The following DHX57 variants were observed in gnomAD, a reference collection of about 807,000 sequenced individuals.
The protein encoded by DHX57 is putative ATP-dependent RNA helicase DHX57.
A neutral mutation model predicts 156.2 loss-of-function variants in DHX57; 105 were observed. That is an observed-to-expected ratio of 0.67 (90% confidence interval 0.57 to 0.79). The LOEUF is 0.79. Among genes scored for constraint, DHX57 ranks in the 30% least tolerant of loss-of-function variants. The pLI, the probability that DHX57 is intolerant of heterozygous loss-of-function variation, is 0.00. For missense variants in DHX57, 1,847 were observed against 1,661.9 expected (o/e 1.11, Z -1.94); for synonymous variants, 704 against 595.6 (o/e 1.18, Z -2.65).
Position 38,798,392 on chromosome 2 carries a change from C to T in DHX57, c.4068G>A (p.Gln1356=). 6.2e-7 allele frequency: 1 copy of T among 1,613,986 alleles called. No individual in the cohort carries two copies. Among genetic ancestry groups the T allele is most frequent in the Non-Finnish European group, 8.5e-7 (1 of 1,179,958 alleles). ...CAATGCTTGGGTTTTTAATTTTATCCTGGAGAAGCTGATCAAGTTCGCAAC... is the reference window on the plus strand; with the variant it reads ...CAATGCTTGGGTTTTTAATTTTATCTTGGAGAAGCTGATCAAGTTCGCAAC... ...ELRCELDQLL[Q]DKIKNPSIDL... is the part of the protein sequence containing the mutation. Residue 1356 remains glutamine, a synonymous_variant, in exon 24 of 24, where the codon CAG becomes CAA. Coordinates refer to ENST00000457308, the MANE Select transcript of DHX57 (RefSeq NM_198963.3).
intron 21 of DHX57, among the ~76,000 whole-genome samples, chr2:38,807,476 G>C (rs1300940837): frequency 6.6e-6 from 1 of 151,902 alleles, no homozygotes; most frequent in Non-Finnish European, 1.5e-5. Flanking sequence ...TCCTGCCTCA[G>C]CCTCCCTAGT....
chr2:38,827,898 C>T (rs1210135100), intron 14 of DHX57, among the ~76,000 whole-genome samples: 3 of 151,996 alleles, frequency 2.0e-5, no homozygotes, highest in Non-Finnish European at 4.4e-5. Flanking sequence ...CTCTTGTTGC[C>T]CGGGCTGGAG....
chr2:38,821,903 A>T (rs1304931552), intron 17 of DHX57, among the ~76,000 whole-genome samples: 1 of 152,196 alleles, frequency 6.6e-6, no homozygotes, highest in African/African-American at 2.4e-5. Flanking sequence ...AGTTAGACAA[A>T]ATAAAATTCC....
At chr2:38,814,560 A>G (rs1670428117) in intron 20 of DHX57, among the ~76,000 whole-genome samples, 1 of 152,210 alleles carries the variant, frequency 6.6e-6, no homozygotes, top group Admixed American at 6.5e-5. Flanking sequence ...TTCATCTTAC[A>G]GAAGTGCTCT....
chr2:38,834,950 G>A (rs923065358), intron 13 of DHX57, among the ~76,000 whole-genome samples: 2 of 152,176 alleles, frequency 1.3e-5, no homozygotes, highest in Non-Finnish European at 1.5e-5. Context: ...ACCTGTATGA[G>A]TCAAGAAAAA....
Position 38,843,021 on chromosome 2 carries a change from G to A in DHX57, c.2409C>T (p.Leu803=). 1 of 1,614,084 alleles carries A rather than the reference G, an allele frequency of 6.2e-7. No individual in the cohort carries two copies. The highest frequency in any genetic ancestry group is 8.5e-7 in the Non-Finnish European group (1 of 1,180,004). Reference sequence around the variant, plus strand: ...GCATGTTACCTTTATAGCGGGCCAGGAGCTGCTTAAAATCTAACTGTTGAT... The same window carrying A: ...GCATGTTACCTTTATAGCGGGCCAGAAGCTGCTTAAAATCTAACTGTTGAT... ...VPDQQLDFKQ[L]LARYKGVSKS... Residue 803 remains leucine (L), a synonymous_variant, in exon 12 of 24, where the codon CTC becomes CTT. Transcript: ENST00000457308.
At chr2:38,874,489 A>G (rs1665509351) in intron 1 of DHX57, among the ~76,000 whole-genome samples, 1 of 138,300 alleles carries the variant, frequency 7.2e-6, no homozygotes, top group Non-Finnish European at 1.5e-5. Context: ...AGCTCACTGC[A>G]ACCTCCACCT....
At chr2:38,835,754 C>T (rs758380678) in intron 13 of DHX57, among the ~76,000 whole-genome samples, 2 of 152,058 alleles carry the variant, frequency 1.3e-5, no homozygotes, top group Non-Finnish European at 2.9e-5. Flanking sequence ...TGAAAAAGTG[C>T]GAAAGCCATC....
In DHX57 at chr2:38,842,143, A is replaced by C. The variant is rs143905765; in HGVS notation, c.2425+862T>G. ...GCCTTTTGATATGATGCATTGAGAA[A>C]TCAAGATCGTTTTTGTGATGCTCCA... On this transcript the variant is annotated intron_variant, in intron 12 of 23. Transcript: ENST00000457308. 3.9e-5 allele frequency among the ~76,000 whole-genome samples: 6 copies of C among 152,330 alleles called. No individual in the cohort carries two copies. The East Asian group carries it at 1.2e-3, about 29-fold the overall frequency.
intron 1 of DHX57, among the ~76,000 whole-genome samples, chr2:38,870,949 C>G (rs950182248): frequency 1.8e-4 from 28 of 151,700 alleles, no homozygotes; most frequent in Non-Finnish European, 3.5e-4. Context: ...GAAAAGCTAT[C>G]TTTCAAAAAT....
chr2:38,821,799 A>G (rs1368098096), intron 17 of DHX57, among the ~76,000 whole-genome samples: 1 of 152,228 alleles, frequency 6.6e-6, no homozygotes, highest in East Asian at 1.9e-4. Context: ...TCAAGTTACT[A>G]GAATCAGAAA....
At chr2:38,813,926 G>C (rs372332413) in intron 20 of DHX57, 31 bp from the exon 21 acceptor site, 548 of 1,606,430 alleles carry the variant, frequency 3.4e-4, no homozygotes, top group Non-Finnish European at 4.4e-4. Flanking sequence ...TAATTAACAA[G>C]TGATATGGCT....
Position 38,797,789 on chromosome 2 carries a change from A to G in DHX57, c.*510T>C, listed in dbSNP as rs1392941084. The G allele has an allele frequency of 6.4e-6, 1 of 155,050 alleles. No individual in the cohort carries two copies. Among genetic ancestry groups the G allele is most frequent in the Non-Finnish European group, 1.5e-5 (1 of 68,224 alleles). The allele number at this position is 155,050 out of a possible 1,614,324, so 9.6% of individuals were successfully genotyped here. A position where few individuals can be genotyped will look rare whatever the true frequency, so the allele number is the denominator to read the frequency against. ...AACCCCTCACAAGTCAAGTTTACTCAGTAGCCAATAGCCTAAAATGAAATT... is the reference window on the plus strand; with the variant it reads ...AACCCCTCACAAGTCAAGTTTACTCGGTAGCCAATAGCCTAAAATGAAATT... On this transcript the variant is annotated 3_prime_UTR_variant, in exon 24 of 24. Coordinates refer to ENST00000457308, the MANE Select transcript of DHX57 (RefSeq NM_198963.3).
intron 13 of DHX57, among the ~76,000 whole-genome samples, chr2:38,830,926 C>T (rs967872998): frequency 1.3e-5 from 2 of 152,104 alleles, no homozygotes; most frequent in Admixed American, 6.6e-5. Flanking sequence ...GAGACACCAT[C>T]TCTACAAAAA....
intron 19 of DHX57, 59 bp downstream of exon 19, chr2:38,818,818 C>T: frequency 1.9e-6 from 3 of 1,572,460 alleles, no homozygotes; most frequent in South Asian, 1.1e-5. Flanking sequence ...AAAGTCGCAG[C>T]ACCCTCTGGT....
At chr2:38,830,801 A>C (rs1367013837) in intron 13 of DHX57, among the ~76,000 whole-genome samples, 1 of 151,994 alleles carries the variant, frequency 6.6e-6, no homozygotes. Context: ...AATGCCACAA[A>C]ATTTTATTGA....
At position 38,862,196 on chromosome 2, in the gene DHX57, G is replaced by A. The variant is rs750816877; in HGVS notation, c.521C>T (p.Pro174Leu). Residue 174 changes from proline to leucine, a missense_variant, in exon 4 of 24, where the codon CCT becomes CTT. Pro to Leu is a moderately conservative substitution (Grantham distance 98). Transcript: ENST00000457308. ...GGAGACTGTAAATTCTGGAACATAAGGCTCCACTGAGGCTAAGCCAGCATA... is the reference window on the plus strand; with the variant it reads ...GGAGACTGTAAATTCTGGAACATAAAGCTCCACTGAGGCTAAGCCAGCATA... ...LEYAGLASVEPYVPEFTVSPF... is the reference protein window; with the variant it reads ...LEYAGLASVELYVPEFTVSPF... The A allele has an allele frequency of 5.6e-6, 9 of 1,613,124 alleles. No homozygotes were observed. The highest frequency in any genetic ancestry group is 1.3e-5 in the African/African-American group (1 of 74,896).
chr2:38,836,535 A>G (rs1671666297), intron 13 of DHX57, among the ~76,000 whole-genome samples: 1 of 152,184 alleles, frequency 6.6e-6, no homozygotes, highest in Non-Finnish European at 1.5e-5. Context: ...GCACTTTGGG[A>G]GGCCAAGGTG....
rs765153722 is a variant in DHX57 at position 38,855,181 on chromosome 2, G to A, written c.1781C>T (p.Ala594Val). ...TCGGGGTTGGGTACAGATGATGTTG[G>A]CTACCTTCTCAGGTGGTCCATTCAG... ...DSLNGPPEKV[A>V]NIICTQPRRI... is the part of the protein sequence containing the mutation. The change falls in exon 8 of 24, where the codon GCC becomes GTC. Residue 594 changes from alanine (A) to valine (V), a missense_variant. By Grantham distance (64) the Ala-to-Val change is moderately conservative. Transcript: ENST00000457308. 4.0e-5 allele frequency: 64 copies of A among 1,614,010 alleles called. No homozygotes were observed. Among genetic ancestry groups the A allele is most frequent in the Non-Finnish European group, 5.3e-5 (62 of 1,180,032 alleles).
Sources: gnomAD v4.1 joint callset for allele counts (sites outside exome capture counted in the v4.1 genomes callset) on GRCh38, gnomAD v4.1.1 for gene constraint, MANE v1.5 for transcripts, NCBI Gene and HGNC (gene_info 2026-07-23, HGNC 2026-07-21) for gene names.